WWOX: variants seen among roughly 807,000 people sequenced by gnomAD.
WWOX encodes the protein WW domain-containing oxidoreductase.
WWOX carries 69 observed loss-of-function variants against 46.2 expected under a neutral mutation model. The ratio of observed to expected loss-of-function variants is 1.49; its 90% confidence interval spans 1.23 to 1.82. The LOEUF (loss-of-function observed/expected upper bound fraction) is 1.82. Among genes scored for constraint, WWOX ranks in the 40% most tolerant of loss-of-function variants. WWOX has a pLI of 0.00. For missense variants in WWOX, 919 were observed against 542.6 expected, an observed-to-expected ratio of 1.69 and a Z score of -6.89; for synonymous variants, 359 against 202.6, an observed-to-expected ratio of 1.77 and a Z score of -6.56.
At chr16:78,176,051 A>G (rs912198562) in intron 5 of WWOX, among the ~76,000 whole-genome samples, 2 of 152,104 alleles carry the variant, frequency 1.3e-5, no homozygotes, top group Non-Finnish European at 1.5e-5. Flanking sequence ...CTCTCTCCCC[A>G]TGCTGCCCAT....
rs142432118 is a variant in WWOX, at chr16:78,750,248, C to G, written c.1056+317496C>G. Among the ~76,000 whole-genome samples the G allele has an allele frequency of 1.9e-3, 285 of 152,308 alleles. 1 individual carries two copies. Among genetic ancestry groups the G allele is most frequent in the African/African-American group, 6.3e-3 (262 of 41,566 alleles). ...CAGGTCAGCTGGTGGGTGATCTCCA[C>G]TGAACTCCTATTCAGAGGCTCAGTT... On this transcript the variant is annotated intron_variant, in intron 8 of 8. Transcript: ENST00000566780.
chr16:78,584,830 G>C (rs548983876), intron 8 of WWOX, among the ~76,000 whole-genome samples: 2 of 152,222 alleles, frequency 1.3e-5, no homozygotes, highest in South Asian at 2.1e-4. Context: ...AAAAGTTCAA[G>C]CTATATGCTT....
intron 8 of WWOX, among the ~76,000 whole-genome samples, chr16:79,037,098 A>G (rs562178732): frequency 6.6e-6 from 1 of 152,178 alleles, no homozygotes; most frequent in African/African-American, 2.4e-5. Flanking sequence ...CCTGGGCTTT[A>G]CAGCAATGGT....
chr16:78,465,014 C>G (rs967321141), intron 8 of WWOX, among the ~76,000 whole-genome samples: 2 of 152,110 alleles, frequency 1.3e-5, no homozygotes, highest in Non-Finnish European at 2.9e-5. Flanking sequence ...TGGCAGCAGA[C>G]AAGAAAGCGT....
intron 5 of WWOX, among the ~76,000 whole-genome samples, chr16:78,311,141 G>A (rs563576466): frequency 6.6e-6 from 1 of 152,232 alleles, no homozygotes; most frequent in Admixed American, 6.5e-5. Flanking sequence ...AAAGAAAGGG[G>A]GGCGGTGGGT....
intron 8 of WWOX, among the ~76,000 whole-genome samples, chr16:79,001,233 G>T (rs906348514): frequency 3.3e-5 from 5 of 152,134 alleles, no homozygotes; most frequent in African/African-American, 1.2e-4. Flanking sequence ...TTAGAGACAG[G>T]CTGGCAGCTT....
At chr16:78,731,827 C>T (rs1013259092) in intron 8 of WWOX, among the ~76,000 whole-genome samples, 2 of 149,470 alleles carry the variant, frequency 1.3e-5, no homozygotes, top group African/African-American at 5.0e-5. Context: ...CTCCCCAATG[C>T]CAATTTTTTT....
intron 8 of WWOX, among the ~76,000 whole-genome samples, chr16:78,987,456 A>G (rs1037856942): frequency 4.6e-5 from 7 of 152,122 alleles, no homozygotes; most frequent in African/African-American, 1.7e-4. Flanking sequence ...TCTTTTTTCT[A>G]GCAACTCTCG....
At chr16:78,300,431 C>T (rs1391726357) in intron 5 of WWOX, among the ~76,000 whole-genome samples, 1 of 152,054 alleles carries the variant, frequency 6.6e-6, no homozygotes, top group Non-Finnish European at 1.5e-5. Flanking sequence ...TGTCACCTGC[C>T]ACCTTTTTAT....
chr16:78,671,366 C>T (rs981218277), intron 8 of WWOX, among the ~76,000 whole-genome samples: 7 of 152,040 alleles, frequency 4.6e-5, no homozygotes, highest in Admixed American at 1.3e-4. Flanking sequence ...TGGAGGTTGC[C>T]GTCAGCTGAG....
intron 8 of WWOX, among the ~76,000 whole-genome samples, chr16:79,037,198 C>T (rs952239311): frequency 1.3e-5 from 2 of 152,154 alleles, no homozygotes; most frequent in East Asian, 3.9e-4. Context: ...GCAGTCTTGG[C>T]CCTGTAATTG....
intron 8 of WWOX, among the ~76,000 whole-genome samples, chr16:79,030,114 G>A (rs771957180): frequency 6.6e-6 from 1 of 152,148 alleles, no homozygotes. Context: ...GTTACAAATG[G>A]AGCTTATTGT....
At chr16:78,445,307 C>G (rs2083534900) in intron 8 of WWOX, among the ~76,000 whole-genome samples, 1 of 152,254 alleles carries the variant, frequency 6.6e-6, no homozygotes. Context: ...GGGCGCTCAC[C>G]TCAGTAAATT....
At chr16:78,456,014 C>A (rs1250093246) in intron 8 of WWOX, among the ~76,000 whole-genome samples, 10 of 152,298 alleles carry the variant, frequency 6.6e-5, no homozygotes, top group Admixed American at 6.5e-5. Flanking sequence ...ATTTCTCATG[C>A]TGATTCTACT....
chr16:78,450,069 T>C (rs754579515), intron 8 of WWOX, among the ~76,000 whole-genome samples: 5 of 152,070 alleles, frequency 3.3e-5, no homozygotes, highest in Non-Finnish European at 1.5e-5. Flanking sequence ...TTTTAGAAAA[T>C]AGGTTTGAGA....
At chr16:78,922,811 G>T (rs74802405) in intron 8 of WWOX, among the ~76,000 whole-genome samples, 224 of 152,296 alleles carry the variant, frequency 1.5e-3, no homozygotes, top group African/African-American at 4.8e-3. Flanking sequence ...AGGAACTGGA[G>T]CTTGGGGGTC....
At chr16:78,658,329 C>G (rs771018863) in intron 8 of WWOX, among the ~76,000 whole-genome samples, 1 of 152,180 alleles carries the variant, frequency 6.6e-6, no homozygotes, top group Non-Finnish European at 1.5e-5. Context: ...TACTACTTTA[C>G]TAATGGTCAT....
At chr16:78,424,351 C>T (rs1049017914) in intron 6 of WWOX, among the ~76,000 whole-genome samples, 1 of 152,068 alleles carries the variant, frequency 6.6e-6, no homozygotes, top group Non-Finnish European at 1.5e-5. Flanking sequence ...AACTCCTGAC[C>T]TAAAATGGTC....
intron 8 of WWOX, among the ~76,000 whole-genome samples, chr16:79,103,430 G>C (rs950022325): frequency 2.0e-5 from 3 of 152,144 alleles, no homozygotes; most frequent in Admixed American, 2.0e-4. Context: ...AGGGGCTCAA[G>C]CACAACCACA....
Sources: allele counts gnomAD v4.1 joint callset (sites outside exome capture counted in the v4.1 genomes callset), GRCh38; gene constraint gnomAD v4.1.1; transcripts MANE v1.5; gene names NCBI Gene and HGNC (gene_info 2026-07-23, HGNC 2026-07-21).